FUT9: variants seen among roughly 807,000 people sequenced by gnomAD.
FUT9 encodes 4-galactosyl-N-acetylglucosaminide 3-alpha-L-fucosyltransferase 9.
A neutral mutation model predicts 29.7 loss-of-function variants in FUT9; 15 were observed. The ratio of observed to expected loss-of-function variants is 0.51; its 90% CI spans 0.34 to 0.78. The LOEUF (loss-of-function observed/expected upper bound fraction) is 0.78, where lower values mean the gene tolerates loss of function less well. FUT9 is among the 30% of genes least tolerant of loss of function. FUT9 has a pLI of 0.01. For missense variants in FUT9, 319 were observed against 425.4 expected (o/e 0.75, Z 2.20); for synonymous variants, 169 against 153.7 (o/e 1.10, Z -0.74).
At chr6:96,158,321 A>T (rs2127978990) in intron 2 of FUT9, among the ~76,000 whole-genome samples, 1 of 152,224 alleles carries the variant, frequency 6.6e-6, no homozygotes, top group African/African-American at 2.4e-5. Context: ...CAGGTGTATG[A>T]TGTTAAACCA....
At chr6:96,097,368 G>A (rs1030084812) in intron 1 of FUT9, among the ~76,000 whole-genome samples, 3 of 152,176 alleles carry the variant, frequency 2.0e-5, no homozygotes, top group Non-Finnish European at 4.4e-5. Context: ...ACATATGTAG[G>A]TAGCTTGGAA....
intron 2 of FUT9, among the ~76,000 whole-genome samples, chr6:96,159,536 A>G (rs369189521): frequency 3.6e-4 from 55 of 152,134 alleles, no homozygotes; most frequent in African/African-American, 1.3e-3. Context: ...TTGTAGAAAT[A>G]TCTCCCCAAA....
rs571786622 is a variant in FUT9 at position 96,202,738 on chromosome 6, C to T, written c.-8-410C>T. Among the ~76,000 whole-genome samples the T allele has an allele frequency of 9.9e-5, 15 of 152,080 alleles. No individual in the cohort carries two copies. In the South Asian group the frequency reaches 1.5e-3, roughly 15 times the overall value. Reference sequence around the variant, plus strand: ...AAAGTTATGGTACAGTCTCAATATGCGAGTAAATAAGTGATTATATCAACT... The same window carrying T: ...AAAGTTATGGTACAGTCTCAATATGTGAGTAAATAAGTGATTATATCAACT... On this transcript the variant is annotated intron_variant, in intron 2 of 2. Coordinates refer to ENST00000302103, the MANE Select transcript of FUT9 (RefSeq NM_006581.4).
chr6:96,141,327 A>G (rs537548801), intron 2 of FUT9, among the ~76,000 whole-genome samples: 1 of 152,336 alleles, frequency 6.6e-6, no homozygotes, highest in Non-Finnish European at 1.5e-5. Context: ...CTATTCTATG[A>G]ATAAAGAAAA....
chr6:96,025,379 C>T (rs1448114473), intron 1 of FUT9, among the ~76,000 whole-genome samples: 2 of 151,694 alleles, frequency 1.3e-5, no homozygotes, highest in Non-Finnish European at 3.0e-5. Context: ...CATTAAAAGG[C>T]AAAGAAGTGA....
At chr6:96,196,552 A>C (rs1360223470) in intron 2 of FUT9, among the ~76,000 whole-genome samples, 1 of 151,976 alleles carries the variant, frequency 6.6e-6, no homozygotes, top group Non-Finnish European at 1.5e-5. Context: ...TCTCTACTAA[A>C]AATACAAAAA....
At chr6:96,097,769 A>G (rs1233095950) in intron 1 of FUT9, among the ~76,000 whole-genome samples, 3 of 152,166 alleles carry the variant, frequency 2.0e-5, no homozygotes, top group Non-Finnish European at 4.4e-5. Flanking sequence ...ATAGTAACCC[A>G]CATAATGTAT....
intron 2 of FUT9, among the ~76,000 whole-genome samples, chr6:96,192,659 G>A (rs1271169254): frequency 2.0e-5 from 3 of 152,162 alleles, no homozygotes; most frequent in Non-Finnish European, 4.4e-5. Flanking sequence ...TGCCATCCCT[G>A]TCAAGCTACC....
intron 2 of FUT9, among the ~76,000 whole-genome samples, chr6:96,140,285 G>A (rs186139991): frequency 3.3e-5 from 5 of 152,128 alleles, no homozygotes; most frequent in Non-Finnish European, 7.4e-5. Flanking sequence ...AGCCATTTAA[G>A]TCTCTAGGAA....
intron 2 of FUT9, among the ~76,000 whole-genome samples, chr6:96,118,810 C>T (rs1297163201): frequency 6.6e-6 from 1 of 152,022 alleles, no homozygotes; most frequent in East Asian, 1.9e-4. Context: ...TATTGATGAT[C>T]TTCACCCTGT....
intron 2 of FUT9, among the ~76,000 whole-genome samples, chr6:96,157,804 T>A (rs1052704663): frequency 6.6e-6 from 1 of 152,036 alleles, no homozygotes. Flanking sequence ...CTGCCTTGCA[T>A]TTTTTTCTCT....
intron 1 of FUT9, among the ~76,000 whole-genome samples, chr6:96,084,905 T>C (rs1771291100): frequency 6.6e-6 from 1 of 152,158 alleles, no homozygotes; most frequent in African/African-American, 2.4e-5. Context: ...GTGTCTATTA[T>C]TTAATTATTT....
intron 2 of FUT9, among the ~76,000 whole-genome samples, chr6:96,190,272 A>G (rs1353516387): frequency 6.6e-6 from 1 of 152,168 alleles, no homozygotes; most frequent in African/African-American, 2.4e-5. Context: ...CTGCCAAGAG[A>G]TCAGCTGTTA....
intron 2 of FUT9, among the ~76,000 whole-genome samples, chr6:96,159,790 G>A (rs1476660907): frequency 6.6e-6 from 1 of 152,040 alleles, no homozygotes; most frequent in East Asian, 1.9e-4. Context: ...CATATCAACA[G>A]GATTCTAAAC....
At position 96,209,800 on chromosome 6, in the gene FUT9, G is replaced by T. The variant is rs569023378; in HGVS notation, c.*5565G>T. ...TCAAAGCATGCTTCCTAGGTCACCT[G>T]ACCTAGAATCACCAGAAGTGTTAAC... On this transcript the variant is annotated 3_prime_UTR_variant, in exon 3 of 3. Coordinates refer to ENST00000302103, the MANE Select transcript of FUT9 (RefSeq NM_006581.4). 6.0e-6 allele frequency: 1 copy of T among 166,608 alleles called. No homozygotes were observed. The highest frequency in any genetic ancestry group is 1.5e-5 in the Non-Finnish European group (1 of 68,006). The allele number at this position is 166,608 out of a possible 1,614,324, so 10.3% of individuals were successfully genotyped here.
intron 1 of FUT9, among the ~76,000 whole-genome samples, chr6:96,035,339 C>T (rs1770331819): frequency 6.6e-6 from 1 of 151,352 alleles, no homozygotes; most frequent in South Asian, 2.1e-4. Context: ...GCATTGAAAA[C>T]AAATTATTTA....
At chr6:96,075,264 T>A (rs1771124882) in intron 1 of FUT9, among the ~76,000 whole-genome samples, 1 of 152,138 alleles carries the variant, frequency 6.6e-6, no homozygotes, top group Non-Finnish European at 1.5e-5. Flanking sequence ...CTAATAATAG[T>A]GAAGACTTTA....
At chr6:96,035,689 T>G (rs1770343051) in intron 1 of FUT9, among the ~76,000 whole-genome samples, 1 of 139,176 alleles carries the variant, frequency 7.2e-6, no homozygotes, top group Non-Finnish European at 1.5e-5. Flanking sequence ...ATATTATATT[T>G]ATTATACTAA....
At chr6:96,194,903 A>G (rs544363829) in intron 2 of FUT9, among the ~76,000 whole-genome samples, 8 of 152,230 alleles carry the variant, frequency 5.3e-5, no homozygotes, top group African/African-American at 1.9e-4. Context: ...GAGCCAGGTT[A>G]CATTTGGGCT....
Sources: gnomAD v4.1 joint callset for allele counts (sites outside exome capture counted in the v4.1 genomes callset) on GRCh38, gnomAD v4.1.1 for gene constraint, MANE v1.5 for transcripts, NCBI Gene and HGNC (gene_info 2026-07-23, HGNC 2026-07-21) for gene names.